The following UNC13C variants were observed in gnomAD, a reference collection of about 807,000 sequenced individuals.
UNC13C encodes unc-13 homolog C, also known as protein unc-13 homolog C.
Under a neutral mutation model 245.4 loss-of-function variants are expected in UNC13C, and 174 were observed. The ratio of observed to expected loss-of-function variants is 0.71; its 90% CI spans 0.63 to 0.80. The LOEUF (loss-of-function observed/expected upper bound fraction) is 0.80. UNC13C is among the 30% of genes least tolerant of loss of function. The pLI, the probability that UNC13C is intolerant of heterozygous loss-of-function variation, is 0.00. For missense variants in UNC13C, 2,829 were observed against 2,602.9 expected, an observed-to-expected ratio of 1.09 and a Z score of -1.89; for synonymous variants, 992 against 895.1, an observed-to-expected ratio of 1.11 and a Z score of -1.93.
chr15:53,970,212 G>C, the UNC13C span, among the ~76,000 whole-genome samples: 1 of 152,068 alleles, frequency 6.6e-6, no homozygotes, highest in Non-Finnish European at 1.5e-5. Flanking sequence ...TGGGATTAAA[G>C]GCATGCACCG....
chr15:54,058,513 G>A (rs1016690099), intron 2 of UNC13C, among the ~76,000 whole-genome samples: 2 of 152,160 alleles, frequency 1.3e-5, no homozygotes, highest in African/African-American at 4.8e-5. Flanking sequence ...TGGACTCACA[G>A]CCGAATTCTA....
intron 4 of UNC13C, among the ~76,000 whole-genome samples, chr15:54,184,218 A>G (rs1012052008): frequency 3.9e-5 from 6 of 151,978 alleles, no homozygotes; most frequent in African/African-American, 1.4e-4. Flanking sequence ...ATGTTTCTCT[A>G]TTAGATTCAT....
At chr15:54,378,014 T>A (rs2039643910) in intron 17 of UNC13C, among the ~76,000 whole-genome samples, 1 of 152,184 alleles carries the variant, frequency 6.6e-6, no homozygotes, top group African/African-American at 2.4e-5. Flanking sequence ...GATTTTTTTT[T>A]TGGTACAGCA....
At chr15:54,188,302 C>A (rs1476015790) in intron 4 of UNC13C, among the ~76,000 whole-genome samples, 1 of 151,790 alleles carries the variant, frequency 6.6e-6, no homozygotes, top group African/African-American at 2.4e-5. Flanking sequence ...TTGGATAAAC[C>A]CAAAATGTAT....
chr15:54,502,971 G>A (rs1185162965), intron 22 of UNC13C, among the ~76,000 whole-genome samples: 1 of 152,078 alleles, frequency 6.6e-6, no homozygotes, highest in Non-Finnish European at 1.5e-5. Flanking sequence ...CAATATGCCT[G>A]CTTGGGTATA....
chr15:54,219,101 T>C (rs1268379723), intron 4 of UNC13C, among the ~76,000 whole-genome samples: 2 of 151,420 alleles, frequency 1.3e-5, no homozygotes, highest in Non-Finnish European at 2.9e-5. Flanking sequence ...AAAACTACTT[T>C]AAAGTTCATA....
At chr15:54,080,670 C>G (rs1898893513) in intron 2 of UNC13C, among the ~76,000 whole-genome samples, 1 of 151,908 alleles carries the variant, frequency 6.6e-6, no homozygotes, top group Non-Finnish European at 1.5e-5. Flanking sequence ...GTGATGACAC[C>G]TTTATCAATT....
At chr15:54,534,978 G>A (rs2899546) in intron 26 of UNC13C, among the ~76,000 whole-genome samples, 77,757 of 151,896 alleles carry the variant, frequency 0.51, 20,500 homozygotes, top group East Asian at 0.67. Flanking sequence ...TCAACTATAG[G>A]CACTATAAAG....
chr15:54,047,289 G>A (rs578252937), intron 2 of UNC13C, among the ~76,000 whole-genome samples: 2 of 151,934 alleles, frequency 1.3e-5, no homozygotes, highest in East Asian at 1.9e-4. Context: ...TTTTAACCAC[G>A]TTTATGGGTA....
At chr15:54,280,836 C>T (rs142283671) in intron 10 of UNC13C, among the ~76,000 whole-genome samples, 5 of 151,022 alleles carry the variant, frequency 3.3e-5, no homozygotes, top group East Asian at 1.9e-4. Flanking sequence ...CTCACTCTGT[C>T]GCCCAGGCTA....
intron 19 of UNC13C, among the ~76,000 whole-genome samples, chr15:54,487,122 G>A (rs1003932392): frequency 7.2e-5 from 11 of 152,122 alleles, no homozygotes; most frequent in Admixed American, 2.0e-4. Flanking sequence ...AGAATTCTAC[G>A]TAGATCAATC....
intron 4 of UNC13C, among the ~76,000 whole-genome samples, chr15:54,201,096 C>A (rs1356327176): frequency 6.6e-6 from 1 of 151,840 alleles, no homozygotes; most frequent in Non-Finnish European, 1.5e-5. Flanking sequence ...AATATACAAC[C>A]CTCCTAGATT....
rs1895613387 is a variant in UNC13C at position 54,015,570 on chromosome 15, A to G, written c.2667A>G (p.Leu889=). 6.2e-7 allele frequency: 1 copy of G among 1,613,710 alleles called. No individual in the cohort carries two copies. The highest frequency in any genetic ancestry group is 8.5e-7 in the Non-Finnish European group (1 of 1,179,814). Residue 889 remains leucine (L), a synonymous_variant, in exon 2 of 33, where the codon CTA becomes CTG. Transcript: ENST00000260323. The part of the protein sequence containing the change: ...VEVMEQVLAK[L]ENRTSITETD... ...TCATGGAACAAGTCCTTGCTAAACT[A>G]GAAAACAGGACTAGTATTACTGAAA... is the stretch of plus-strand genomic sequence containing the variant.
At chr15:54,225,967 T>C (rs561000834) in intron 4 of UNC13C, among the ~76,000 whole-genome samples, 2 of 152,284 alleles carry the variant, frequency 1.3e-5, no homozygotes, top group East Asian at 3.9e-4. Context: ...TCTTATTATT[T>C]TGAGGTATGT....
At chr15:54,051,523 T>G (rs780474851) in intron 2 of UNC13C, among the ~76,000 whole-genome samples, 15 of 152,182 alleles carry the variant, frequency 9.9e-5, no homozygotes, top group African/African-American at 3.4e-4. Context: ...ATAGAGACTT[T>G]AGTACATATT....
chr15:53,985,093 C>T (rs1894077795), intron 1 of UNC13C, among the ~76,000 whole-genome samples: 1 of 151,726 alleles, frequency 6.6e-6, no homozygotes, highest in Non-Finnish European at 1.5e-5. Flanking sequence ...AAGTTCCCTC[C>T]CCTCAATCCC....
intron 30 of UNC13C, among the ~76,000 whole-genome samples, chr15:54,612,720 A>T (rs548422418): frequency 1.3e-5 from 2 of 152,014 alleles, no homozygotes; most frequent in African/African-American, 2.4e-5. Flanking sequence ...TTGCAAACGA[A>T]GTGGATATTT....
chr15:54,157,205 CT>C (rs1483695428), intron 4 of UNC13C, among the ~76,000 whole-genome samples: 1 of 152,188 alleles, frequency 6.6e-6, no homozygotes, highest in Non-Finnish European at 1.5e-5. Context: ...TCCCACATTG[CT>C]TCTGAGGAAA....
chr15:54,120,773 A>G (rs771722754), intron 2 of UNC13C, among the ~76,000 whole-genome samples: 1 of 151,852 alleles, frequency 6.6e-6, no homozygotes, highest in African/African-American at 2.4e-5. Flanking sequence ...GTTGATTCCA[A>G]CCCTCATGGA....
Sources: allele counts gnomAD v4.1 joint callset (sites outside exome capture counted in the v4.1 genomes callset), GRCh38; gene constraint gnomAD v4.1.1; transcripts MANE v1.5; gene names NCBI Gene and HGNC (gene_info 2026-07-23, HGNC 2026-07-21).